Variants in SLC35F4 observed in about 807,000 individuals in gnomAD.
SLC35F4 encodes the protein solute carrier family 35 member F4.
Under a neutral mutation model 44.2 loss-of-function variants are expected in SLC35F4, and 24 were observed. The observed-to-expected ratio is 0.54, with a 90% CI of 0.39 to 0.76. The LOEUF (loss-of-function observed/expected upper bound fraction) is 0.76. Among genes scored for constraint, SLC35F4 ranks in the 30% least tolerant of loss-of-function variants. The pLI is 0.00. For synonymous variants in SLC35F4, 238 were observed against 223.6 expected, an observed-to-expected ratio of 1.06 and a Z score of -0.57; for missense variants, 562 against 586.1, an observed-to-expected ratio of 0.96 and a Z score of 0.42.
intron 1 of SLC35F4, among the ~76,000 whole-genome samples, chr14:57,722,846 A>G (rs766100565): frequency 5.3e-5 from 8 of 152,130 alleles, no homozygotes; most frequent in Non-Finnish European, 7.3e-5. Context: ...AGAATCATGG[A>G]CCCTCAATCA....
intron 1 of SLC35F4, among the ~76,000 whole-genome samples, chr14:57,895,674 A>G (rs1888856357): frequency 6.6e-6 from 1 of 151,790 alleles, no homozygotes; most frequent in Non-Finnish European, 1.5e-5. Flanking sequence ...ACCTTCTGCT[A>G]TGATCGTAAG....
intron 1 of SLC35F4, among the ~76,000 whole-genome samples, chr14:57,636,687 T>C (rs2073031122): frequency 2.0e-5 from 3 of 152,092 alleles, no homozygotes; most frequent in Non-Finnish European, 4.4e-5. Context: ...GATTTCTGCT[T>C]GCAGTCTACT....
In SLC35F4 at chr14:57,682,137, G is replaced by A. The variant is rs113020863; in HGVS notation, c.104-88013C>T. Among the ~76,000 whole-genome samples, 334 of 152,134 alleles carry A rather than the reference G, an allele frequency of 2.2e-3. 3 individuals are homozygous for A. Among genetic ancestry groups the A allele is most frequent in the African/African-American group, 7.4e-3 (307 of 41,532 alleles). ...AAATAGCATTTGACCCAGCAATCCC[G>A]TTACTGGGTATATACCCAAAGGAGT... On this transcript the variant is annotated intron_variant, in intron 1 of 7. Coordinates refer to ENST00000556826, the MANE Select transcript of SLC35F4 (RefSeq NM_001306087.2).
intron 1 of SLC35F4, among the ~76,000 whole-genome samples, chr14:57,863,253 A>G (rs1008862636): frequency 1.3e-5 from 2 of 152,182 alleles, no homozygotes; most frequent in Non-Finnish European, 2.9e-5. Context: ...CAAATGCCCT[A>G]TTGCCCATTA....
chr14:57,648,927 C>A (rs2073663732), intron 1 of SLC35F4, among the ~76,000 whole-genome samples: 1 of 152,184 alleles, frequency 6.6e-6, no homozygotes, highest in African/African-American at 2.4e-5. Context: ...ATCTGACAGA[C>A]CTACGACTCA....
At chr14:57,608,681 A>T (rs926572949) in intron 1 of SLC35F4, among the ~76,000 whole-genome samples, 2 of 152,094 alleles carry the variant, frequency 1.3e-5, no homozygotes, top group African/African-American at 4.8e-5. Context: ...ACCCAGAAGG[A>T]AAATGTTGAC....
chr14:57,878,290 A>G (rs28371365), intron 1 of SLC35F4, among the ~76,000 whole-genome samples: 11,378 of 152,118 alleles, frequency 0.075, 586 homozygotes, highest in African/African-American at 0.14. Flanking sequence ...CTGGATTACC[A>G]CACAACTTTC....
intron 1 of SLC35F4, among the ~76,000 whole-genome samples, chr14:57,624,572 C>G (rs2072373715): frequency 6.6e-6 from 1 of 152,060 alleles, no homozygotes; most frequent in Non-Finnish European, 1.5e-5. Flanking sequence ...ACTGGAAAAC[C>G]AAATCCAGCA....
intron 1 of SLC35F4, among the ~76,000 whole-genome samples, chr14:57,649,329 T>C: frequency 6.6e-6 from 1 of 152,214 alleles, no homozygotes; most frequent in Non-Finnish European, 1.5e-5. Flanking sequence ...GCTACATTCC[T>C]TCTGGAGGTT....
chr14:57,793,485 A>G (rs2077979033), intron 1 of SLC35F4, among the ~76,000 whole-genome samples: 1 of 152,132 alleles, frequency 6.6e-6, no homozygotes, highest in South Asian at 2.1e-4. Flanking sequence ...TATAGGTAAG[A>G]ACATTTGGTA....
At chr14:57,690,854 C>T (rs998269814) in intron 1 of SLC35F4, among the ~76,000 whole-genome samples, 5 of 152,096 alleles carry the variant, frequency 3.3e-5, no homozygotes, top group Admixed American at 6.6e-5. Flanking sequence ...GGAGGTGGAG[C>T]TCAGGCAATA....
At chr14:57,571,392 G>A (rs748200161) in intron 5 of SLC35F4, among the ~76,000 whole-genome samples, 5 of 152,186 alleles carry the variant, frequency 3.3e-5, no homozygotes, top group Admixed American at 6.6e-5. Context: ...GAGCTCCTGT[G>A]GCATGGGGTT....
intron 1 of SLC35F4, among the ~76,000 whole-genome samples, chr14:57,925,532 AGGGAGGG>A (rs1889550209): frequency 2.2e-5 from 1 of 44,938 alleles, no homozygotes; most frequent in Non-Finnish European, 4.3e-5. Flanking sequence ...GGAGGGAGGG[AGGGAGGG>A]AGGGAGGAAG....
chr14:57,741,539 A>G (rs1227924471), intron 1 of SLC35F4, among the ~76,000 whole-genome samples: 1 of 152,156 alleles, frequency 6.6e-6, no homozygotes, highest in African/African-American at 2.4e-5. Context: ...AAGTTTAGAG[A>G]AAAAAGAGTA....
At chr14:57,804,447 A>T (rs935477548) in intron 1 of SLC35F4, among the ~76,000 whole-genome samples, 1 of 152,202 alleles carries the variant, frequency 6.6e-6, no homozygotes, top group Non-Finnish European at 1.5e-5. Context: ...AACAGAATAG[A>T]GAACTCAGAA....
chr14:57,648,235 T>C (rs1189148164), intron 1 of SLC35F4, among the ~76,000 whole-genome samples: 1 of 152,200 alleles, frequency 6.6e-6, no homozygotes, highest in Non-Finnish European at 1.5e-5. Flanking sequence ...GCACAGAGGA[T>C]GTTATAGCAT....
chr14:57,892,479 C>T (rs1888790090), intron 1 of SLC35F4, among the ~76,000 whole-genome samples: 1 of 152,176 alleles, frequency 6.6e-6, no homozygotes, highest in South Asian at 2.1e-4. Context: ...ATTACAGCAG[C>T]TAAAAGATGT....
chr14:57,581,094 A>T, intron 4 of SLC35F4, 120 bp downstream of exon 4: 1 of 1,044,748 alleles, frequency 9.6e-7, no homozygotes, highest in Non-Finnish European at 1.3e-6. Context: ...TTCGGTTTGT[A>T]CTCAGAACAA....
chr14:57,880,811 G>A (rs888168007), intron 1 of SLC35F4, among the ~76,000 whole-genome samples: 20 of 152,006 alleles, frequency 1.3e-4, no homozygotes, highest in African/African-American at 4.8e-4. Context: ...TGTATTTGTT[G>A]GTACACCAAG....
Sources: allele counts gnomAD v4.1 joint callset (sites outside exome capture counted in the v4.1 genomes callset), GRCh38; gene constraint gnomAD v4.1.1; transcripts MANE v1.5; gene names NCBI Gene and HGNC (gene_info 2026-07-23, HGNC 2026-07-21).